Variants in SHISA9 observed in about 807,000 individuals in gnomAD.
The protein encoded by SHISA9 is protein shisa-9.
A neutral mutation model predicts 38.0 loss-of-function variants in SHISA9; 13 were observed. The observed-to-expected ratio is 0.34, with a 90% CI of 0.22 to 0.54. SHISA9 has a LOEUF of 0.54. SHISA9 is among the 20% of genes least tolerant of loss of function. The pLI, the probability that SHISA9 is intolerant of heterozygous loss-of-function variation, is 0.91. For synonymous variants in SHISA9, 275 were observed against 242.0 expected, an observed-to-expected ratio of 1.14 and a Z score of -1.27; for missense variants, 538 against 575.8, an observed-to-expected ratio of 0.93 and a Z score of 0.67.
chr16:12,977,003 A>C (rs1332690468), intron 2 of SHISA9, among the ~76,000 whole-genome samples: 1 of 152,190 alleles, frequency 6.6e-6, no homozygotes, highest in East Asian at 1.9e-4. Context: ...ACATGAAAAA[A>C]GAGGGAGCAG....
At chr16:13,248,053 C>T in the SHISA9 span, among the ~76,000 whole-genome samples, 2 of 152,170 alleles carry the variant, frequency 1.3e-5, no homozygotes, top group African/African-American at 4.8e-5. Flanking sequence ...TACTGGAATT[C>T]TACAAGTTAG....
At chr16:12,945,161 C>G (rs930923075) in intron 2 of SHISA9, among the ~76,000 whole-genome samples, 3 of 152,110 alleles carry the variant, frequency 2.0e-5, no homozygotes, top group Non-Finnish European at 4.4e-5. Flanking sequence ...AGCAAAGTTA[C>G]CAGGCAGAGA....
At chr16:13,525,712 C>G in the SHISA9 span, among the ~76,000 whole-genome samples, 1 of 152,170 alleles carries the variant, frequency 6.6e-6, no homozygotes, top group South Asian at 2.1e-4. Context: ...TTTTCACTTG[C>G]TAATTATGTT....
chr16:13,367,708 GCGCGCACA>G, the SHISA9 span, among the ~76,000 whole-genome samples: 1,522 of 116,650 alleles, frequency 0.013, 18 homozygotes, highest in Middle Eastern at 0.04. Context: ...GCGCGCGCGC[GCGCGCACA>G]CACACACACA....
chr16:12,926,241 A>G (rs1484926768), intron 2 of SHISA9, among the ~76,000 whole-genome samples: 1 of 152,054 alleles, frequency 6.6e-6, no homozygotes, highest in East Asian at 1.9e-4. Context: ...TTTCTAAAGG[A>G]CCTATACTGG....
the SHISA9 span, among the ~76,000 whole-genome samples, chr16:13,472,910 TTA>T: frequency 3.3e-5 from 5 of 152,216 alleles, no homozygotes; most frequent in African/African-American, 1.2e-4. Context: ...TTGAATACAG[TTA>T]TAATAACGAT....
chr16:12,927,153 A>G (rs2071402209), intron 2 of SHISA9, among the ~76,000 whole-genome samples: 1 of 152,234 alleles, frequency 6.6e-6, no homozygotes, highest in Non-Finnish European at 1.5e-5. Flanking sequence ...ATATATTAAA[A>G]TAATTTATAA....
chr16:13,108,515 TTGGACTCCCAAA>T (rs1239785433), intron 2 of SHISA9, among the ~76,000 whole-genome samples: 3 of 152,096 alleles, frequency 2.0e-5, no homozygotes, highest in Non-Finnish European at 2.9e-5. Flanking sequence ...TCCTCCCACT[TTGGACTCCCAAA>T]GCACTGGGAT....
At chr16:13,186,831 T>C (rs559719621) in intron 2 of SHISA9, among the ~76,000 whole-genome samples, 2 of 152,354 alleles carry the variant, frequency 1.3e-5, no homozygotes, top group East Asian at 3.9e-4. Flanking sequence ...TTAGTCTTTT[T>C]GTGACTGGCT....
chr16:13,335,603 T>C, the SHISA9 span, among the ~76,000 whole-genome samples: 6 of 152,214 alleles, frequency 3.9e-5, no homozygotes, highest in African/African-American at 1.4e-4. Context: ...AGCTCCATCC[T>C]TAACTTGTTT....
At chr16:13,453,327 A>G in the SHISA9 span, among the ~76,000 whole-genome samples, 6 of 152,198 alleles carry the variant, frequency 3.9e-5, no homozygotes, top group Non-Finnish European at 7.3e-5. Flanking sequence ...TTAATGGCCT[A>G]CCTTTATCCA....
intron 1 of SHISA9, chr16:12,908,405 G>C: frequency 6.5e-7 from 1 of 1,537,304 alleles, no homozygotes; most frequent in Non-Finnish European, 8.8e-7. Context: ...AAAAATCCTT[G>C]TTGGTTTTGC....
the SHISA9 span, among the ~76,000 whole-genome samples, chr16:13,340,652 T>A: frequency 6.6e-6 from 1 of 152,222 alleles, no homozygotes; most frequent in South Asian, 2.1e-4. Flanking sequence ...TCAGTCACTT[T>A]TTCCCTGCTT....
chr16:13,066,211 A>G (rs2073433257), intron 2 of SHISA9, among the ~76,000 whole-genome samples: 1 of 152,190 alleles, frequency 6.6e-6, no homozygotes, highest in Non-Finnish European at 1.5e-5. Context: ...CTGCGTGACT[A>G]CAGTGGAAAT....
chr16:12,944,512 A>G (rs978900130), intron 2 of SHISA9, among the ~76,000 whole-genome samples: 2 of 152,142 alleles, frequency 1.3e-5, no homozygotes, highest in African/African-American at 2.4e-5. Flanking sequence ...GCACGTTTGA[A>G]CTAAAAGTCA....
chr16:13,558,759 T>A, the SHISA9 span, among the ~76,000 whole-genome samples: 1 of 152,290 alleles, frequency 6.6e-6, no homozygotes, highest in South Asian at 2.1e-4. Flanking sequence ...GTGACAAATA[T>A]GGCACTAAAC....
At chr16:13,184,250 A>T (rs916087) in intron 2 of SHISA9, among the ~76,000 whole-genome samples, 31,603 of 151,946 alleles carry the variant, frequency 0.21, 3,601 homozygotes, top group East Asian at 0.37. Context: ...AAACGTCCTC[A>T]CCTGCTTTTG....
intron 2 of SHISA9, among the ~76,000 whole-genome samples, chr16:12,926,932 T>C (rs1346959323): frequency 6.6e-6 from 1 of 152,174 alleles, no homozygotes; most frequent in East Asian, 1.9e-4. Context: ...GAGGATTTTG[T>C]TCTACAAGGA....
chr16:13,447,867 T>G, the SHISA9 span, among the ~76,000 whole-genome samples: 3 of 152,188 alleles, frequency 2.0e-5, no homozygotes, highest in Non-Finnish European at 2.9e-5. Context: ...AAAAATGCAT[T>G]TGCAACAAAA....
Sources: allele counts gnomAD v4.1 joint callset (sites outside exome capture counted in the v4.1 genomes callset), GRCh38; gene constraint gnomAD v4.1.1; transcripts MANE v1.5; gene names NCBI Gene and HGNC (gene_info 2026-07-23, HGNC 2026-07-21).